GRIA1: variants seen among roughly 807,000 people sequenced by gnomAD.
GRIA1 encodes the protein glutamate receptor 1.
A neutral mutation model predicts 99.2 loss-of-function variants in GRIA1; 31 were observed. The observed-to-expected ratio is 0.31, with a 90% CI of 0.23 to 0.42. The LOEUF (loss-of-function observed/expected upper bound fraction) is 0.42, where lower values mean the gene tolerates loss of function less well. Ranked by LOEUF, GRIA1 falls within the 10% of genes least tolerant of loss-of-function variation. The probability of loss-of-function intolerance (pLI) is 1.00; values close to 1 mark genes in which losing one functional copy is unlikely to be tolerated. For missense variants in GRIA1, 782 were observed against 1,157.5 expected (o/e 0.68, Z 4.71); for synonymous variants, 438 against 432.4 (o/e 1.01, Z -0.16).
At chr5:153,665,868 G>T (rs1178825723) in intron 5 of GRIA1, among the ~76,000 whole-genome samples, 4 of 152,088 alleles carry the variant, frequency 2.6e-5, no homozygotes, top group African/African-American at 9.7e-5. Flanking sequence ...AACCTAATAT[G>T]GTAACTTCTA....
In GRIA1 at chr5:153,718,547, G is replaced by A. The variant is rs140291719; in HGVS notation, c.1823+12480G>A. On this transcript the variant is annotated intron_variant, in intron 11 of 15. Coordinates refer to ENST00000285900, the MANE Select transcript of GRIA1 (RefSeq NM_000827.4). Reference sequence around the variant, plus strand: ...CTTGAACCAGTAGGTTAACCATTGAGTCTCAGTTTCCTCAAATTTGAAAAA... The same window carrying A: ...CTTGAACCAGTAGGTTAACCATTGAATCTCAGTTTCCTCAAATTTGAAAAA... 6.4e-3 allele frequency among the ~76,000 whole-genome samples: 979 copies of A among 152,248 alleles called. 12 individuals are homozygous for A. The highest frequency in any genetic ancestry group is 0.023 in the African/African-American group (935 of 41,534).
intron 2 of GRIA1, among the ~76,000 whole-genome samples, chr5:153,572,065 G>C (rs2149363699): frequency 6.6e-6 from 1 of 152,324 alleles, no homozygotes; most frequent in Middle Eastern, 3.4e-3. Flanking sequence ...GTGCTCTAGT[G>C]GTTGTCTAAT....
At chr5:153,504,035 T>C (rs1755254201) in intron 2 of GRIA1, among the ~76,000 whole-genome samples, 1 of 152,200 alleles carries the variant, frequency 6.6e-6, no homozygotes. Flanking sequence ...TCTTTTCTCA[T>C]CAGTTCCACA....
At chr5:153,587,208 G>C (rs1277960673) in intron 2 of GRIA1, among the ~76,000 whole-genome samples, 1 of 152,062 alleles carries the variant, frequency 6.6e-6, no homozygotes, top group Non-Finnish European at 1.5e-5. Context: ...TCTTCCAATA[G>C]GGACTGACTT....
At chr5:153,535,409 T>G (rs901307695) in intron 2 of GRIA1, among the ~76,000 whole-genome samples, 1 of 152,192 alleles carries the variant, frequency 6.6e-6, no homozygotes, top group Non-Finnish European at 1.5e-5. Context: ...TGATCTGAGG[T>G]GGTCAGAGGT....
In GRIA1 at chr5:153,684,197, G is replaced by A. The variant is rs187314421; in HGVS notation, c.1030-2028G>A. 1.2e-4 allele frequency among the ~76,000 whole-genome samples: 18 copies of A among 152,226 alleles called. No homozygotes were observed. In the East Asian group the frequency reaches 3.1e-3, roughly 26 times the overall value. ...AATCTCTAAATGGCATACTTCAGGG[G>A]GTTCCTGTGACTAGAGATGAAATAA... On this transcript the variant is annotated intron_variant, in intron 7 of 15. Coordinates refer to ENST00000285900, the MANE Select transcript of GRIA1 (RefSeq NM_000827.4).
chr5:153,807,073 A>C (rs540863607), intron 15 of GRIA1, among the ~76,000 whole-genome samples: 1 of 152,274 alleles, frequency 6.6e-6, no homozygotes, highest in East Asian at 1.9e-4. Context: ...AAGACAAATA[A>C]AATGTAGCTC....
chr5:153,551,933 A>T (rs1471463886), intron 2 of GRIA1, among the ~76,000 whole-genome samples: 7 of 152,154 alleles, frequency 4.6e-5, no homozygotes. Context: ...AATTCCTTCA[A>T]GAAAGAAGGC....
At chr5:153,729,835 C>T (rs369040187) in intron 11 of GRIA1, among the ~76,000 whole-genome samples, 1 of 152,068 alleles carries the variant, frequency 6.6e-6, no homozygotes, top group South Asian at 2.1e-4. Flanking sequence ...CTGTAAACAA[C>T]TTAATCAATC....
intron 4 of GRIA1, among the ~76,000 whole-genome samples, chr5:153,654,453 T>C (rs1194657446): frequency 1.3e-5 from 2 of 152,128 alleles, no homozygotes; most frequent in East Asian, 3.9e-4. Flanking sequence ...AATAGGTTCT[T>C]GATAAAGGTG....
intron 2 of GRIA1, among the ~76,000 whole-genome samples, chr5:153,520,698 A>G (rs1335301764): frequency 6.6e-6 from 1 of 152,090 alleles, no homozygotes; most frequent in Admixed American, 6.6e-5. Flanking sequence ...CAGCCTCCCA[A>G]CCTATTCAAC....
At chr5:153,675,434 A>G (rs1478226618) in intron 6 of GRIA1, among the ~76,000 whole-genome samples, 1 of 152,222 alleles carries the variant, frequency 6.6e-6, no homozygotes, top group Non-Finnish European at 1.5e-5. Context: ...TACTGCCACC[A>G]AAATCTATTT....
chr5:153,667,741 G>T (rs1351169764), intron 5 of GRIA1, among the ~76,000 whole-genome samples: 1 of 152,174 alleles, frequency 6.6e-6, no homozygotes, highest in Non-Finnish European at 1.5e-5. Context: ...AATTGCACGT[G>T]ATAATTAATA....
intron 2 of GRIA1, among the ~76,000 whole-genome samples, chr5:153,633,040 T>C (rs1225153912): frequency 1.3e-5 from 2 of 152,144 alleles, no homozygotes; most frequent in African/African-American, 4.8e-5. Context: ...AAATGGTTCA[T>C]ATGCATCTAT....
At chr5:153,531,163 CA>C (rs1437774861) in intron 2 of GRIA1, among the ~76,000 whole-genome samples, 46 of 152,216 alleles carry the variant, frequency 3.0e-4, no homozygotes, top group Non-Finnish European at 3.5e-4. Flanking sequence ...ACTTCAAGTA[CA>C]AAAGTTTTTA....
chr5:153,604,209 A>G (rs1387009417), intron 2 of GRIA1, among the ~76,000 whole-genome samples: 1 of 152,130 alleles, frequency 6.6e-6, no homozygotes, highest in Non-Finnish European at 1.5e-5. Context: ...TTTAGTCTCT[A>G]TATACAAATA....
chr5:153,760,171 C>T (rs993865935), intron 11 of GRIA1, among the ~76,000 whole-genome samples: 5 of 152,054 alleles, frequency 3.3e-5, no homozygotes, highest in South Asian at 2.1e-4. Context: ...TTCTATTCAA[C>T]GTTGTACTGG....
chr5:153,492,362 G>T (rs1581121882), intron 1 of GRIA1: 15 of 1,453,646 alleles, frequency 1.0e-5, no homozygotes, highest in African/African-American at 4.2e-5. Flanking sequence ...GCCTTCAGGG[G>T]AGACACTTCC....
chr5:153,566,877 C>A (rs572807249), intron 2 of GRIA1, among the ~76,000 whole-genome samples: 1 of 151,742 alleles, frequency 6.6e-6, no homozygotes, highest in Non-Finnish European at 1.5e-5. Context: ...CCACCACGCC[C>A]AGCTAATTTT....
Sources: allele counts gnomAD v4.1 joint callset (sites outside exome capture counted in the v4.1 genomes callset), GRCh38; gene constraint gnomAD v4.1.1; transcripts MANE v1.5; gene names NCBI Gene and HGNC (gene_info 2026-07-23, HGNC 2026-07-21).